PRKG2: variants seen among roughly 807,000 people sequenced by gnomAD.
The protein encoded by PRKG2 is cGMP-dependent protein kinase 2.
PRKG2 carries 33 observed loss-of-function variants against 97.2 expected under a neutral mutation model. The ratio of observed to expected loss-of-function variants is 0.34; its 90% confidence interval spans 0.26 to 0.45. The LOEUF (loss-of-function observed/expected upper bound fraction) is 0.45. Ranked by LOEUF, PRKG2 falls within the 20% of genes least tolerant of loss-of-function variation. The probability of loss-of-function intolerance (pLI) is 1.00; values close to 1 mark genes in which losing one functional copy is unlikely to be tolerated. For missense variants in PRKG2, 638 were observed against 900.0 expected (o/e 0.71, Z 3.73); for synonymous variants, 330 against 321.8 (o/e 1.03, Z -0.27).
chr4:81,127,806 T>C (rs1745751046), intron 14 of PRKG2, among the ~76,000 whole-genome samples: 1 of 152,196 alleles, frequency 6.6e-6, no homozygotes, highest in Non-Finnish European at 1.5e-5. Flanking sequence ...TTTCTTCCTA[T>C]TTGAATATGC....
Position 81,110,713 on chromosome 4 carries a change from T to C in PRKG2, c.1777-102A>G, listed in dbSNP as rs987323001. The C allele has an allele frequency of 1.7e-5, 19 of 1,144,050 alleles. No individual in the cohort carries two copies. The African/African-American group carries it at 2.5e-4, about 15-fold the overall frequency. The allele number at this position is 1,144,050 out of a possible 1,614,324, so 70.9% of individuals were successfully genotyped here. A position where few individuals can be genotyped will look rare whatever the true frequency, so the allele number is the denominator to read the frequency against. Reference sequence around the variant, plus strand: ...AAATCTGCTTTCTACACCCCACCCTTCTTTTTATACCATGCACACACACAC... The same window carrying C: ...AAATCTGCTTTCTACACCCCACCCTCCTTTTTATACCATGCACACACACAC... On this transcript the variant is annotated intron_variant, in intron 14 of 18. Coordinates refer to ENST00000264399, the MANE Select transcript of PRKG2 (RefSeq NM_006259.3).
intron 17 of PRKG2, among the ~76,000 whole-genome samples, chr4:81,103,821 A>C (rs1008561540): frequency 1.3e-5 from 2 of 152,100 alleles, no homozygotes; most frequent in African/African-American, 4.8e-5. Context: ...TCATGAGGTC[A>C]GGAGTTTGAG....
chr4:81,124,017 T>G (rs1396067566), intron 14 of PRKG2, among the ~76,000 whole-genome samples: 5 of 152,194 alleles, frequency 3.3e-5, no homozygotes, highest in African/African-American at 9.6e-5. Flanking sequence ...TTTAACATGG[T>G]AACATGTTTA....
intron 6 of PRKG2, among the ~76,000 whole-genome samples, chr4:81,157,480 C>G (rs1410836694): frequency 6.6e-6 from 1 of 152,192 alleles, no homozygotes; most frequent in East Asian, 1.9e-4. Context: ...GATGGATTCA[C>G]AGCCGAATTC....
At chr4:81,194,074 G>T (rs746867434) in intron 2 of PRKG2, among the ~76,000 whole-genome samples, 21 of 152,038 alleles carry the variant, frequency 1.4e-4, no homozygotes, top group Non-Finnish European at 3.1e-4. Context: ...TAAAGAATGT[G>T]CCCGCTTTCC....
chr4:81,101,395 G>A (rs1371650559), intron 17 of PRKG2, among the ~76,000 whole-genome samples: 1 of 152,118 alleles, frequency 6.6e-6, no homozygotes. Context: ...CATAAAAAAT[G>A]ATGAGTTCAT....
In PRKG2 at chr4:81,087,580, ACT is replaced by A. The variant is rs1388639245; in HGVS notation, c.*2126_*2127del. ...TTATTTCACAGATACCGGGCAAAAG[ACT>A]CTCTACATAACTTAATCCCTGAAAC... On this transcript the variant is annotated 3_prime_UTR_variant, in exon 19 of 19. Coordinates refer to ENST00000264399, the MANE Select transcript of PRKG2 (RefSeq NM_006259.3). 1.3e-5 allele frequency: 2 copies of A among 152,036 alleles called. No homozygotes were observed. Among genetic ancestry groups the A allele is most frequent in the Admixed American group, 6.6e-5 (1 of 15,256 alleles). 9.4% of individuals were successfully genotyped at this position (152,036 alleles called of 1,614,324 possible).
chr4:81,092,012 A>G (rs1741589949), intron 18 of PRKG2, among the ~76,000 whole-genome samples: 1 of 152,204 alleles, frequency 6.6e-6, no homozygotes, highest in Admixed American at 6.5e-5. Flanking sequence ...AGGTATTATG[A>G]TAATTAAAAT....
chr4:81,100,432 T>C (rs141086376), intron 17 of PRKG2, among the ~76,000 whole-genome samples: 10,047 of 152,160 alleles, frequency 0.066, 1,133 homozygotes, highest in African/African-American at 0.23. Flanking sequence ...CATCTGATCT[T>C]TGACAAACCT....
intron 1 of PRKG2, among the ~76,000 whole-genome samples, chr4:81,208,254 C>A (rs1269779618): frequency 1.3e-5 from 2 of 151,980 alleles, no homozygotes; most frequent in Admixed American, 1.3e-4. Context: ...GTAAAGTACC[C>A]CATATGATGC....
chr4:81,210,352 A>T (rs937676097), intron 1 of PRKG2, among the ~76,000 whole-genome samples: 2 of 152,184 alleles, frequency 1.3e-5, no homozygotes, highest in Admixed American at 6.5e-5. Flanking sequence ...AACACTCAAT[A>T]ATAGGAAAAC....
intron 1 of PRKG2, 62 bp downstream of exon 1, chr4:81,214,874 C>T (rs1160839210): frequency 6.6e-6 from 1 of 152,418 alleles, no homozygotes; most frequent in African/African-American, 2.4e-5. Context: ...GCACCCCGAC[C>T]CCGTCCCTCC....
chr4:81,174,649 G>A, intron 3 of PRKG2, 144 bp downstream of exon 3: 1 of 761,398 alleles, frequency 1.3e-6, no homozygotes, highest in Non-Finnish European at 2.1e-6. Flanking sequence ...ATCATGATTA[G>A]ATCAACAATT....
intron 17 of PRKG2, among the ~76,000 whole-genome samples, chr4:81,093,674 T>G (rs913082418): frequency 2.0e-5 from 3 of 152,214 alleles, no homozygotes; most frequent in African/African-American, 7.2e-5. Context: ...TATTTTACAG[T>G]AATCTGTGAA....
chr4:81,159,616 C>A (rs1397334580), intron 6 of PRKG2, among the ~76,000 whole-genome samples: 2 of 152,066 alleles, frequency 1.3e-5, no homozygotes, highest in Non-Finnish European at 2.9e-5. Context: ...TGTGTATATA[C>A]CCAAAGGACT....
chr4:81,158,298 A>T (rs6856709), intron 6 of PRKG2, among the ~76,000 whole-genome samples: 107 of 149,748 alleles, frequency 7.1e-4, no homozygotes, highest in African/African-American at 2.6e-3. Flanking sequence ...AGACAAACAG[A>T]GAGCCAAATT....
chr4:81,213,837 A>G (rs2110140110), intron 1 of PRKG2, among the ~76,000 whole-genome samples: 1 of 152,258 alleles, frequency 6.6e-6, no homozygotes, highest in African/African-American at 2.4e-5. Context: ...GACTTCATAG[A>G]ACTGGAGTTA....
intron 1 of PRKG2, among the ~76,000 whole-genome samples, chr4:81,206,011 G>A (rs774795406): frequency 1.3e-5 from 2 of 152,112 alleles, no homozygotes; most frequent in Non-Finnish European, 2.9e-5. Context: ...CCACAAAGTT[G>A]TGATCTCATT....
At chr4:81,128,853 T>C (rs1440423422) in intron 14 of PRKG2, among the ~76,000 whole-genome samples, 2 of 152,186 alleles carry the variant, frequency 1.3e-5, no homozygotes, top group African/African-American at 4.8e-5. Context: ...TAGTTATTTC[T>C]TGTTTTCTAC....
Sources: allele counts gnomAD v4.1 joint callset (sites outside exome capture counted in the v4.1 genomes callset), GRCh38; gene constraint gnomAD v4.1.1; transcripts MANE v1.5; gene names NCBI Gene and HGNC (gene_info 2026-07-23, HGNC 2026-07-21).